MACROD2: variants seen among roughly 807,000 people sequenced by gnomAD.
MACROD2 encodes mono-ADP ribosylhydrolase 2.
In MACROD2, 36 loss-of-function variants were observed where a neutral mutation model predicts 70.4. The ratio of observed to expected loss-of-function variants is 0.51; its 90% CI spans 0.39 to 0.68. The LOEUF (loss-of-function observed/expected upper bound fraction) is 0.68. Among genes scored for constraint, MACROD2 ranks in the 30% least tolerant of loss-of-function variants. The probability of loss-of-function intolerance (pLI) is 0.00; values close to 1 mark genes in which losing one functional copy is unlikely to be tolerated. For missense variants in MACROD2, 496 were observed against 538.4 expected (o/e 0.92, Z 0.78); for synonymous variants, 172 against 178.8 (o/e 0.96, Z 0.30).
intron 3 of MACROD2, among the ~76,000 whole-genome samples, chr20:14,457,189 G>GT (rs1391245439): frequency 1.2e-4 from 18 of 152,164 alleles, no homozygotes; most frequent in South Asian, 4.1e-4. Context: ...GTTGTGAATG[G>GT]TTGCAGTTGT....
At chr20:15,522,361 A>T (rs2047664592) in intron 8 of MACROD2, among the ~76,000 whole-genome samples, 1 of 152,210 alleles carries the variant, frequency 6.6e-6, no homozygotes, top group African/African-American at 2.4e-5. Flanking sequence ...ATAGGGAAAA[A>T]TAGAGAAATG....
At chr20:14,416,835 T>C (rs1004224176) in intron 3 of MACROD2, among the ~76,000 whole-genome samples, 2 of 152,190 alleles carry the variant, frequency 1.3e-5, no homozygotes, top group Non-Finnish European at 2.9e-5. Context: ...AGTTTTTCAG[T>C]TGGGCATGGG....
intron 3 of MACROD2, among the ~76,000 whole-genome samples, chr20:14,238,989 T>C (rs570374483): frequency 9.1e-5 from 12 of 131,238 alleles, no homozygotes; most frequent in South Asian, 4.9e-4. Context: ...ATTGCGCCAC[T>C]GCACTCCAGC....
At position 14,637,043 on chromosome 20, in the gene MACROD2, T is replaced by C. The variant is rs903654388; in HGVS notation, c.302-47800T>C. On this transcript the variant is annotated intron_variant, in intron 4 of 17. Coordinates refer to ENST00000684519, the MANE Select transcript of MACROD2 (RefSeq NM_001351661.2). ...TGACCTGAGATGGTTTTTCATACTC[T>C]ACAAACAAGATGGGATTTGTTAATA... is the stretch of plus-strand genomic sequence containing the variant. 2.6e-5 allele frequency among the ~76,000 whole-genome samples: 4 copies of C among 152,182 alleles called. 1 individual carries two copies. In the East Asian group the frequency reaches 7.7e-4, roughly 29 times the overall value.
intron 3 of MACROD2, among the ~76,000 whole-genome samples, chr20:14,362,873 A>C (rs1349525933): frequency 6.6e-6 from 1 of 152,182 alleles, no homozygotes; most frequent in Non-Finnish European, 1.5e-5. Flanking sequence ...GGAAGCGATG[A>C]CTTTTGAGTA....
At chr20:14,781,493 A>G (rs2072300297) in intron 5 of MACROD2, among the ~76,000 whole-genome samples, 2 of 143,744 alleles carry the variant, frequency 1.4e-5, no homozygotes, top group African/African-American at 5.4e-5. Context: ...TGTGCTATGG[A>G]CCATATAACA....
intron 3 of MACROD2, among the ~76,000 whole-genome samples, chr20:14,400,936 G>A (rs1385389409): frequency 1.3e-5 from 2 of 152,020 alleles, no homozygotes; most frequent in Non-Finnish European, 2.9e-5. Flanking sequence ...ATGTTCTTTG[G>A]TGTGGTAATG....
intron 8 of MACROD2, among the ~76,000 whole-genome samples, chr20:15,804,356 T>C (rs1047988681): frequency 6.6e-6 from 1 of 152,254 alleles, no homozygotes; most frequent in African/African-American, 2.4e-5. Flanking sequence ...TAAAGGCACC[T>C]AATAGTATTC....
chr20:15,069,193 G>A (rs1239091268), intron 5 of MACROD2, among the ~76,000 whole-genome samples: 3 of 152,174 alleles, frequency 2.0e-5, no homozygotes, highest in Non-Finnish European at 4.4e-5. Flanking sequence ...AAATCTCTAA[G>A]CAGCAAAGCA....
At chr20:14,154,592 T>A (rs2148713337) in intron 3 of MACROD2, among the ~76,000 whole-genome samples, 1 of 108,876 alleles carries the variant, frequency 9.2e-6, no homozygotes, top group South Asian at 2.8e-4. Context: ...TTTTGGATTT[T>A]TAGTAAAGAC....
chr20:15,148,934 G>T (rs981347522), intron 5 of MACROD2, among the ~76,000 whole-genome samples: 5 of 151,988 alleles, frequency 3.3e-5, no homozygotes, highest in African/African-American at 1.2e-4. Flanking sequence ...ACTAATAAAG[G>T]CTGGTCTGTT....
chr20:14,669,088 A>T (rs562584988), intron 4 of MACROD2, among the ~76,000 whole-genome samples: 1 of 152,174 alleles, frequency 6.6e-6, no homozygotes, highest in Admixed American at 6.6e-5. Flanking sequence ...TTCATGTGAC[A>T]ATCATTCCTT....
Position 14,719,896 on chromosome 20 carries a change from G to A in MACROD2, c.418+34937G>A, listed in dbSNP as rs530823107. ...ATTGGCCCTTCAGTGGAGGGAGAAA[G>A]GATGATAGAAAAAGAAATTCTGTGG... On this transcript the variant is annotated intron_variant, in intron 5 of 17. Coordinates refer to ENST00000684519, the MANE Select transcript of MACROD2 (RefSeq NM_001351661.2). Among the ~76,000 whole-genome samples the A allele has an allele frequency of 8.5e-5, 13 of 152,256 alleles. No individual in the cohort carries two copies. In the South Asian group the frequency reaches 1.5e-3, roughly 17 times the overall value.
rs532907738 is a variant in MACROD2, at chr20:14,348,639, C to A, written c.272-144840C>A. ...AGGAATGATTTTTGGTGGAATGTAC[C>A]CTAATTCTATTTTTTCTCCTCAGTA... On this transcript the variant is annotated intron_variant, in intron 3 of 17. Transcript: ENST00000684519. 1.6e-4 allele frequency among the ~76,000 whole-genome samples: 24 copies of A among 151,906 alleles called. No homozygotes were observed. In the South Asian group the frequency reaches 4.4e-3, roughly 28 times the overall value.
intron 8 of MACROD2, among the ~76,000 whole-genome samples, chr20:15,703,527 TATTG>T (rs2050490853): frequency 6.6e-6 from 1 of 152,232 alleles, no homozygotes; most frequent in South Asian, 2.1e-4. Flanking sequence ...AAATAAACTT[TATTG>T]ATTATTTGCT....
intron 3 of MACROD2, among the ~76,000 whole-genome samples, chr20:14,193,554 A>C (rs1221575190): frequency 6.6e-6 from 1 of 152,172 alleles, no homozygotes; most frequent in Admixed American, 6.5e-5. Flanking sequence ...GACCAGTATC[A>C]GTAGGAAGGT....
At chr20:14,950,354 T>C (rs2074465658) in intron 5 of MACROD2, among the ~76,000 whole-genome samples, 2 of 152,144 alleles carry the variant, frequency 1.3e-5, no homozygotes, top group African/African-American at 2.4e-5. Context: ...ATCTCTTCTA[T>C]TGTGGGACGT....
Position 15,710,473 on chromosome 20 carries a change from TTATC to T in MACROD2, c.646-152269_646-152266del, listed in dbSNP as rs200928674. On this transcript the variant is annotated intron_variant, in intron 8 of 17. Coordinates refer to ENST00000684519, the MANE Select transcript of MACROD2 (RefSeq NM_001351661.2). ...GAGTACTAATTTAATCAGGGAAACTTTATCTACGGCATTTTTTGCTGTCTCCATT... is the reference window on the plus strand; with the variant it reads ...GAGTACTAATTTAATCAGGGAAACTTTACGGCATTTTTTGCTGTCTCCATT... Among the ~76,000 whole-genome samples, 1,427 of 152,286 alleles carry T rather than the reference TTATC, an allele frequency of 9.4e-3. 14 individuals are homozygous for T. Among genetic ancestry groups the T allele is most frequent in the African/African-American group, 0.032 (1,317 of 41,556 alleles).
intron 5 of MACROD2, among the ~76,000 whole-genome samples, chr20:15,150,678 T>TGGGGG (rs994579949): frequency 6.6e-6 from 1 of 150,916 alleles, no homozygotes; most frequent in Non-Finnish European, 1.5e-5. Context: ...TGGGTTAAGG[T>TGGGGG]GGGGGGATAC....
Sources: allele counts gnomAD v4.1 joint callset (sites outside exome capture counted in the v4.1 genomes callset), GRCh38; gene constraint gnomAD v4.1.1; transcripts MANE v1.5; gene names NCBI Gene and HGNC (gene_info 2026-07-23, HGNC 2026-07-21).